The following PRSS55 variants were observed in gnomAD, a reference collection of about 807,000 sequenced individuals.
PRSS55 encodes probable serine protease UNQ9391/PRO34284.
Under a neutral mutation model 23.6 loss-of-function variants are expected in PRSS55, and 41 were observed. The observed-to-expected ratio is 1.74, with a 90% CI of 1.35 to 2.26. The LOEUF (loss-of-function observed/expected upper bound fraction) is 2.26, where lower values mean the gene tolerates loss of function less well. Ranked by LOEUF, PRSS55 falls within the 30% of genes most tolerant of loss-of-function variation. The probability of loss-of-function intolerance (pLI) is 0.00; values close to 1 mark genes in which losing one functional copy is unlikely to be tolerated. For missense variants in PRSS55, 669 were observed against 439.1 expected (o/e 1.52, Z -4.68); for synonymous variants, 262 against 175.5 (o/e 1.49, Z -3.90).
intron 4 of PRSS55, among the ~76,000 whole-genome samples, chr8:10,548,645 C>T (rs1585896320): frequency 6.6e-6 from 1 of 152,138 alleles, no homozygotes; most frequent in East Asian, 1.9e-4. Context: ...CTGCAAGTCT[C>T]CTGCGGAAGC....
intron 1 of PRSS55, among the ~76,000 whole-genome samples, chr8:10,526,577 G>T (rs140939605): frequency 6.6e-6 from 1 of 152,238 alleles, no homozygotes; most frequent in Non-Finnish European, 1.5e-5. Context: ...CTTAGAAGCA[G>T]CCGTTTCTGC....
chr8:10,531,702 G>A (rs1316427474), intron 3 of PRSS55, 157 bp downstream of exon 3: 23 of 1,033,928 alleles, frequency 2.2e-5, no homozygotes, highest in Middle Eastern at 3.2e-4. Flanking sequence ...TTTGGGTGCC[G>A]AAACCCCAAG....
chr8:10,542,279 G>C (rs999113796), downstream of PRSS55, among the ~76,000 whole-genome samples: 1 of 152,190 alleles, frequency 6.6e-6, no homozygotes, highest in Non-Finnish European at 1.5e-5. Context: ...CAGACACACA[G>C]AGACATCTGT....
rs558503943 is a variant in PRSS55, at chr8:10,530,656, T to C, written c.348-639T>C. 5.9e-5 allele frequency among the ~76,000 whole-genome samples: 9 copies of C among 152,240 alleles called. No individual in the cohort carries two copies. In the South Asian group the frequency reaches 1.9e-3, roughly 32 times the overall value. The stretch of plus-strand genomic sequence containing the variant: ...AGAATTCAAATTCTGGCTCTAGCAC[T>C]TGTGCTTTCTGCCACACCAGCTCAA... On this transcript the variant is annotated intron_variant, in intron 2 of 4. Coordinates refer to ENST00000328655, the MANE Select transcript of PRSS55 (RefSeq NM_198464.4).
intron 4 of PRSS55, among the ~76,000 whole-genome samples, chr8:10,534,382 A>T (rs1273762160): frequency 6.6e-6 from 1 of 152,206 alleles, no homozygotes; most frequent in African/African-American, 2.4e-5. Flanking sequence ...CTCCCTGATT[A>T]GAGTTTGTTA....
intron 4 of PRSS55, among the ~76,000 whole-genome samples, chr8:10,545,375 TG>T (rs1221438776): frequency 3.9e-5 from 6 of 152,160 alleles, no homozygotes; most frequent in Non-Finnish European, 7.3e-5. Context: ...TTTTATTTTA[TG>T]GAGAGATGGG....
chr8:10,536,566 T>C (rs1812460675), intron 4 of PRSS55, among the ~76,000 whole-genome samples: 1 of 152,162 alleles, frequency 6.6e-6, no homozygotes, highest in African/African-American at 2.4e-5. Context: ...CATGCATGCA[T>C]ATGTTCGTCA....
downstream of PRSS55, chr8:10,540,302 T>G (rs12549461): frequency 9.8e-5 from 15 of 152,340 alleles, no homozygotes; most frequent in African/African-American, 3.6e-4. Flanking sequence ...TCGAATTTCC[T>G]GGGCCACCAC....
chr8:10,530,277 C>T (rs975697133), intron 2 of PRSS55, among the ~76,000 whole-genome samples: 1 of 152,094 alleles, frequency 6.6e-6, no homozygotes, highest in Admixed American at 6.5e-5. Context: ...GAGTTCGAGA[C>T]TGGCCTGGCC....
intron 4 of PRSS55, among the ~76,000 whole-genome samples, chr8:10,545,545 T>G (rs1239292970): frequency 6.6e-6 from 1 of 152,188 alleles, no homozygotes; most frequent in Non-Finnish European, 1.5e-5. Flanking sequence ...CCAGCAGTAG[T>G]CCCTGTTCCA....
chr8:10,547,043 G>T (rs1021916953), intron 4 of PRSS55, among the ~76,000 whole-genome samples: 1 of 152,188 alleles, frequency 6.6e-6, no homozygotes, highest in African/African-American at 2.4e-5. Context: ...CCTCGCTGTA[G>T]CCCAGCAGAT....
In PRSS55 at chr8:10,525,608, T is replaced by C. The variant is rs769618238; in HGVS notation, c.23T>C (p.Leu8Pro). The C allele has an allele frequency of 1.9e-6, 3 of 1,614,110 alleles. No individual in the cohort carries two copies. The South Asian group carries it at 3.3e-5, about 18-fold the overall frequency. Residue 8 changes from leucine (L) to proline (P), a missense_variant, in exon 1 of 5, where the codon CTG (leucine) becomes CCG (proline). Physicochemically the swap from Leu to Pro is moderately conservative, Grantham distance 98. Coordinates refer to ENST00000328655, the MANE Select transcript of PRSS55 (RefSeq NM_198464.4). ...GCCATGCTCCTGTTCTCAGTGTTGCTGCTCCTGTCCCTGGTCACGGGAACT... is the reference window on the plus strand; with the variant it reads ...GCCATGCTCCTGTTCTCAGTGTTGCCGCTCCTGTCCCTGGTCACGGGAACT... MLLFSVL[L>P]LLSLVTGTQL... is the part of the protein sequence containing the mutation.
downstream of PRSS55, among the ~76,000 whole-genome samples, chr8:10,542,162 C>T (rs35847318): frequency 0.18 from 27,998 of 152,028 alleles, 2,842 homozygotes; most frequent in East Asian, 0.34. Flanking sequence ...ATTAGTTAGG[C>T]TACAGGATTA....
At chr8:10,536,784 T>C (rs111860589) in intron 4 of PRSS55, among the ~76,000 whole-genome samples, 5,400 of 152,322 alleles carry the variant, frequency 0.035, 311 homozygotes, top group African/African-American at 0.12. Flanking sequence ...AAATATCGCA[T>C]GTTCTCACTT....
chr8:10,537,985 C>T (rs7820225), intron 4 of PRSS55, among the ~76,000 whole-genome samples: 52,307 of 151,942 alleles, frequency 0.34, 9,565 homozygotes, highest in African/African-American at 0.48. Flanking sequence ...GGAAGGGTCA[C>T]ACATTCTGAA....
rs142659616 is a variant in PRSS55 at position 10,529,543 on chromosome 8, G to A, written c.191G>A (p.Arg64Gln). 9.9e-6 allele frequency: 16 copies of A among 1,614,048 alleles called. No individual in the cohort carries two copies. The highest frequency in any genetic ancestry group is 4.5e-5 in the East Asian group (2 of 44,892). The change falls in exon 2 of 5, where the codon CGG becomes CAG. Residue 64 changes from arginine (R) to glutamine (Q), a missense_variant. Physicochemically the swap from Arg to Gln is conservative, Grantham distance 43. Transcript: ENST00000328655. ...AGATCTATTTTCGAGGGAAGAACTC[G>A]GTATTCCAGAATCACAGGGGGGATG... ...GDRSIFEGRT[R>Q]YSRITGGMEA...
Position 10,533,095 on chromosome 8 carries a change from G to A in PRSS55, c.741+47G>A, listed in dbSNP as rs754137422. 11 of 1,595,538 alleles carry A rather than the reference G, an allele frequency of 6.9e-6. No homozygotes were observed. The East Asian group carries it at 2.0e-4, about 29-fold the overall frequency. On this transcript the variant is annotated intron_variant, in intron 4 of 4. Coordinates refer to ENST00000328655, the MANE Select transcript of PRSS55 (RefSeq NM_198464.4). Reference sequence around the variant, plus strand: ...TCACCTTATAGGTCCTCACCCTCTGGGAACTGCCAGTGCAAGGGTATTCTC... The same window carrying A: ...TCACCTTATAGGTCCTCACCCTCTGAGAACTGCCAGTGCAAGGGTATTCTC...
At chr8:10,532,266 G>A (rs79571404) in intron 3 of PRSS55, among the ~76,000 whole-genome samples, 3,713 of 152,240 alleles carry the variant, frequency 0.024, 131 homozygotes, top group African/African-American at 0.073. Context: ...GGCACTCCTG[G>A]AAAGGTAGAA....
At chr8:10,533,707 T>A (rs760052654) in intron 4 of PRSS55, among the ~76,000 whole-genome samples, 1 of 152,218 alleles carries the variant, frequency 6.6e-6, no homozygotes, top group South Asian at 2.1e-4. Context: ...ATCTTAAAAG[T>A]GGCCACCCTG....
Sources: gnomAD v4.1 joint callset for allele counts (sites outside exome capture counted in the v4.1 genomes callset) on GRCh38, gnomAD v4.1.1 for gene constraint, MANE v1.5 for transcripts, NCBI Gene and HGNC (gene_info 2026-07-23, HGNC 2026-07-21) for gene names.